The following TSPAN3 variants were observed in gnomAD, a reference collection of about 807,000 sequenced individuals.
TSPAN3 encodes tetraspanin-3.
A neutral mutation model predicts 31.1 loss-of-function variants in TSPAN3; 9 were observed. The observed-to-expected ratio is 0.29, with a 90% CI of 0.17 to 0.50. The LOEUF (loss-of-function observed/expected upper bound fraction) is 0.50. Ranked by LOEUF, TSPAN3 falls within the 20% of genes least tolerant of loss-of-function variation. TSPAN3 has a pLI of 0.98. For missense variants in TSPAN3, 252 were observed against 313.5 expected, an observed-to-expected ratio of 0.80 and a Z score of 1.48; for synonymous variants, 129 against 114.3, an observed-to-expected ratio of 1.13 and a Z score of -0.82.
At chr15:77,059,020 A>C (rs2152696852) in intron 1 of TSPAN3, among the ~76,000 whole-genome samples, 1 of 152,386 alleles carries the variant, frequency 6.6e-6, no homozygotes, top group Middle Eastern at 3.4e-3. Context: ...TAGAGAATGA[A>C]GGTGAGCACA....
intron 1 of TSPAN3, among the ~76,000 whole-genome samples, chr15:77,057,370 G>T (rs1294747116): frequency 6.6e-6 from 1 of 152,148 alleles, no homozygotes; most frequent in Non-Finnish European, 1.5e-5. Flanking sequence ...CTGCCACAGT[G>T]ATACTGGAAA....
At position 77,053,451 on chromosome 15, in the gene TSPAN3, C is replaced by CAAAAAAAAAAAAAAAAAAAA. The variant is rs60483848; in HGVS notation, c.433-542_433-523dup. 4.0e-4 allele frequency among the ~76,000 whole-genome samples: 20 copies of CAAAAAAAAAAAAAAAAAAAA among 50,380 alleles called. 4 individuals carry two copies. The highest frequency in any genetic ancestry group is 8.5e-4 in the African/African-American group (7 of 8,284). 33.1% of individuals were successfully genotyped at this position (50,380 alleles called of 152,430 possible). On this transcript the variant is annotated intron_variant, in intron 4 of 6. Coordinates refer to ENST00000267970, the MANE Select transcript of TSPAN3 (RefSeq NM_005724.6). The stretch of plus-strand genomic sequence containing the variant: ...CAACAAGAGTGAAATTTCGCCATCT[C>CAAAAAAAAAAAAAAAAAAAA]AAAAAAAAAAAAAAAAAAAAAAAAA...
At chr15:77,060,245 A>G (rs138977925) in intron 1 of TSPAN3, among the ~76,000 whole-genome samples, 1 of 152,356 alleles carries the variant, frequency 6.6e-6, no homozygotes, top group Non-Finnish European at 1.5e-5. Flanking sequence ...AACTATACAC[A>G]TCAAATTGCT....
At chr15:77,059,969 T>C (rs1410079518) in intron 1 of TSPAN3, among the ~76,000 whole-genome samples, 3 of 152,136 alleles carry the variant, frequency 2.0e-5, no homozygotes, top group East Asian at 1.9e-4. Context: ...CATCTGAAAC[T>C]GAGACTACAA....
chr15:77,057,040 G>A (rs1018977279), intron 1 of TSPAN3, among the ~76,000 whole-genome samples: 1 of 152,132 alleles, frequency 6.6e-6, no homozygotes, highest in African/African-American at 2.4e-5. Context: ...AGACCTAAAG[G>A]GAAAGTGAAC....
intron 1 of TSPAN3, among the ~76,000 whole-genome samples, chr15:77,058,104 T>C (rs2076779276): frequency 6.6e-6 from 1 of 152,160 alleles, no homozygotes; most frequent in South Asian, 2.1e-4. Context: ...CCCACTGCAG[T>C]GCTTCTGTCT....
intron 1 of TSPAN3, among the ~76,000 whole-genome samples, chr15:77,065,457 C>T (rs538258757): frequency 1.0e-3 from 158 of 152,244 alleles, no homozygotes; most frequent in African/African-American, 3.4e-3. Context: ...GATGGAGTCT[C>T]GCTCTGTCGC....
At chr15:77,059,791 T>C (rs1264575606) in intron 1 of TSPAN3, among the ~76,000 whole-genome samples, 2 of 152,192 alleles carry the variant, frequency 1.3e-5, no homozygotes, top group Non-Finnish European at 2.9e-5. Context: ...TACTTAACAA[T>C]CAACCTGAAG....
intron 4 of TSPAN3, among the ~76,000 whole-genome samples, chr15:77,053,373 G>A (rs1177475557): frequency 7.0e-6 from 1 of 143,492 alleles, no homozygotes; most frequent in Admixed American, 7.1e-5. Context: ...ACTTGAACCC[G>A]GGAGGTGGAG....
At chr15:77,062,598 G>A (rs913356917) in intron 1 of TSPAN3, among the ~76,000 whole-genome samples, 6 of 152,202 alleles carry the variant, frequency 3.9e-5, no homozygotes, top group Admixed American at 1.3e-4. Flanking sequence ...TCAGATGGGC[G>A]GAAGCACAAA....
At chr15:77,062,442 A>T (rs2076806318) in intron 1 of TSPAN3, among the ~76,000 whole-genome samples, 1 of 152,126 alleles carries the variant, frequency 6.6e-6, no homozygotes, top group Non-Finnish European at 1.5e-5. Context: ...CATTCCAAAG[A>T]CTCCAAATCC....
chr15:77,066,756 G>C (rs571741130), intron 1 of TSPAN3, among the ~76,000 whole-genome samples: 41 of 152,196 alleles, frequency 2.7e-4, no homozygotes, highest in South Asian at 1.2e-3. Flanking sequence ...ACTTGTCCAA[G>C]ATTATCTTTC....
rs138652823 is a variant in TSPAN3, at chr15:77,062,391, T to C, written c.64-6136A>G. Among the ~76,000 whole-genome samples the C allele has an allele frequency of 1.8e-3, 274 of 152,322 alleles. 2 individuals carry two copies. The highest frequency in any genetic ancestry group is 6.3e-3 in the African/African-American group (263 of 41,570). ...TTCTTATGTAAGTCCACTACCTGAA[T>C]ATATCATTTACTCTCCTACCAACTC... On this transcript the variant is annotated intron_variant, in intron 1 of 6. Coordinates refer to ENST00000267970, the MANE Select transcript of TSPAN3 (RefSeq NM_005724.6).
chr15:77,054,199 A>T lies in TSPAN3; in HGVS notation c.411T>A (p.Ala137=). 1 of 1,613,994 alleles carries T rather than the reference A, an allele frequency of 6.2e-7. No homozygotes were observed. The highest frequency in any genetic ancestry group is 8.5e-7 in the Non-Finnish European group (1 of 1,179,914). ...NGTNPDAASR[A]IDYVQRQLHC... ...TCACCTGTCTCTGTACATAATCAAT[A>T]GCCCGGCTAGCAGCATCAGGGTTGG... The change falls in exon 4 of 7, where the codon GCT becomes GCA. Residue 137 remains alanine, a synonymous_variant. Transcript: ENST00000267970.
At chr15:77,057,917 C>T (rs775366705) in intron 1 of TSPAN3, among the ~76,000 whole-genome samples, 2 of 152,170 alleles carry the variant, frequency 1.3e-5, no homozygotes, top group Non-Finnish European at 2.9e-5. Context: ...TGCCTTCCTG[C>T]CCAGCCCATC....
chr15:77,053,325 G>A lies in TSPAN3; in HGVS notation c.433-396C>T, dbSNP rs138437057. ...AGCCTGACCAACATGGTGAAACCCC[G>A]TCTCTACTAAAAATACAAAGGCTGA... is the stretch of plus-strand genomic sequence containing the variant. On this transcript the variant is annotated intron_variant, in intron 4 of 6. Coordinates refer to ENST00000267970, the MANE Select transcript of TSPAN3 (RefSeq NM_005724.6). Among the ~76,000 whole-genome samples the A allele has an allele frequency of 7.8e-3, 1,186 of 151,520 alleles. 15 individuals are homozygous for A. Among genetic ancestry groups the A allele is most frequent in the African/African-American group, 0.027 (1,104 of 41,314 alleles).
In TSPAN3 at chr15:77,042,228, C is replaced by T. The variant is rs757386643; in HGVS notation, c.*4607G>A. 1 of 152,214 alleles carries T rather than the reference C, an allele frequency of 6.6e-6. No homozygotes were observed. The highest frequency in any genetic ancestry group is 1.5e-5 in the Non-Finnish European group (1 of 68,040). The allele number at this position is 152,214 out of a possible 1,614,324, so 9.4% of individuals were successfully genotyped here. On this transcript the variant is annotated 3_prime_UTR_variant, in exon 7 of 7. Transcript: ENST00000267970. ...TTGCTGAACTGCTGAACTTGCTTCC[C>T]TGTGGGTACTTCTTTACAGATGTCT...
intron 1 of TSPAN3, among the ~76,000 whole-genome samples, chr15:77,059,320 G>A (rs1251196694): frequency 1.3e-5 from 2 of 152,108 alleles, no homozygotes; most frequent in Admixed American, 1.3e-4. Context: ...CTGACCTCGT[G>A]ATCCGCCCGC....
At chr15:77,061,054 T>C (rs2076797532) in intron 1 of TSPAN3, among the ~76,000 whole-genome samples, 1 of 152,232 alleles carries the variant, frequency 6.6e-6, no homozygotes, top group Non-Finnish European at 1.5e-5. Context: ...TTTGCAAGTA[T>C]ATGAGTTCCA....
Sources: allele counts gnomAD v4.1 joint callset (sites outside exome capture counted in the v4.1 genomes callset), GRCh38; gene constraint gnomAD v4.1.1; transcripts MANE v1.5; gene names NCBI Gene and HGNC (gene_info 2026-07-23, HGNC 2026-07-21).